Variants in CPSF1 observed in about 807,000 individuals in gnomAD.
CPSF1 encodes cleavage and polyadenylation specific factor 1.
A neutral mutation model predicts 175.8 loss-of-function variants in CPSF1; 106 were observed. The observed-to-expected ratio is 0.60, with a 90% CI of 0.52 to 0.71. CPSF1 has a LOEUF of 0.71. CPSF1 is among the 30% of genes least tolerant of loss of function. The pLI is 0.00. For synonymous variants in CPSF1, 1,024 were observed against 858.3 expected, an observed-to-expected ratio of 1.19 and a Z score of -3.37; for missense variants, 1,734 against 2,022.9, an observed-to-expected ratio of 0.86 and a Z score of 2.74.
Position 144,395,085 on chromosome 8 carries a change from G to A in CPSF1, c.3272+13C>T, listed in dbSNP as rs375079929. On this transcript the variant is annotated intron_variant, in intron 29 of 37. Coordinates refer to ENST00000616140, the MANE Select transcript of CPSF1 (RefSeq NM_013291.3). ...GCCTTGGGCAGACCCCACCCCCGCC[G>A]GCCCAGCCTCACCTGGCATTGGGAA... 5.0e-5 allele frequency: 81 copies of A among 1,606,118 alleles called. No homozygotes were observed. Among genetic ancestry groups the A allele is most frequent in the Middle Eastern group, 1.7e-4 (1 of 6,054 alleles).
rs150626841 is a variant in CPSF1, at chr8:144,408,822, G to A, written c.144+193C>T. Among the ~76,000 whole-genome samples the A allele has an allele frequency of 2.9e-3, 446 of 152,350 alleles. 1 individual carries two copies. The highest frequency in any genetic ancestry group is 5.1e-3 in the Non-Finnish European group (349 of 68,032). On this transcript the variant is annotated intron_variant, in intron 2 of 37. Coordinates refer to ENST00000616140, the MANE Select transcript of CPSF1 (RefSeq NM_013291.3). ...CCCTTCCCGGTGGGGTAGGAAGGGAGGCAGAACAGGGTAGCAGCTGTGAGA... is the reference window on the plus strand; with the variant it reads ...CCCTTCCCGGTGGGGTAGGAAGGGAAGCAGAACAGGGTAGCAGCTGTGAGA...
At chr8:144,395,228 G>A (rs1194511175) in intron 28 of CPSF1, 37 bp downstream of exon 28, 2 of 1,612,806 alleles carry the variant, frequency 1.2e-6, no homozygotes, top group Non-Finnish European at 1.7e-6. Context: ...TCCCCAAGAT[G>A]CGGCTGAGGA....
intron 2 of CPSF1, among the ~76,000 whole-genome samples, chr8:144,405,262 G>C (rs1453694543): frequency 6.6e-6 from 1 of 152,222 alleles, no homozygotes; most frequent in Non-Finnish European, 1.5e-5. Context: ...CCTGAAAGCT[G>C]ATGGGGCTGC....
chr8:144,398,574 T>C lies in CPSF1; in HGVS notation c.1703A>G (p.Asp568Gly). Residue 568 changes from aspartate (D) to glycine (G), a missense_variant, in exon 18 of 38, where the codon GAC becomes GGC. This residue lies in a region of CPSF1 where 280 missense variants were observed against 349.2 expected (regional missense o/e 0.80). Transcript: ENST00000616140. ...AATCAGGAATCCGTGTCTGCGGCCG[T>C]CGTCGTCTGCTTCAGGGGTGGTGCT... ...EPSTTPEADD[D>G]GRRHGFLILS... 6.2e-7 allele frequency: 1 copy of C among 1,613,826 alleles called. No individual in the cohort carries two copies.
In CPSF1 at chr8:144,398,096, G is replaced by A; in HGVS notation, c.1931C>T (p.Ala644Val). 1.9e-6 allele frequency: 3 copies of A among 1,609,282 alleles called. 1 individual carries two copies. The highest frequency in any genetic ancestry group is 2.5e-6 in the Non-Finnish European group (3 of 1,177,932). ...GGCCACGGCGCACTGCACGATGGGG[G>A]CGCCCAGGTCCACGGGGATGAAGTG... Reference protein sequence around the residue: ...QLHFIPVDLGAPIVQCAVADP... With the variant: ...QLHFIPVDLGVPIVQCAVADP... Residue 644 changes from alanine (A) to valine (V), a missense_variant, in exon 20 of 38, where the codon GCC becomes GTC. Physicochemically the swap from Ala to Val is moderately conservative, Grantham distance 64 (BLOSUM62 0). Around this residue, in one of 10 missense-constraint regions of CPSF1, gnomAD observed 280 missense variants for 349.2 expected, o/e 0.80. Transcript: ENST00000616140.
Position 144,393,814 on chromosome 8 carries a change from AG to A in CPSF1, c.4016-19del. The A allele has an allele frequency of 6.2e-7, 1 of 1,600,802 alleles. No homozygotes were observed. The highest frequency in any genetic ancestry group is 8.5e-7 in the Non-Finnish European group (1 of 1,178,502). Reference sequence around the variant, plus strand: ...CAGGGTGGCTGGCAGGGGTAGGGTGAGGGTTTTGGTGTGAGCCAGGCCAACC... The same window carrying A: ...CAGGGTGGCTGGCAGGGGTAGGGTGAGGTTTTGGTGTGAGCCAGGCCAACC... On this transcript the variant is annotated intron_variant, in intron 35 of 37. Transcript: ENST00000616140.
intron 2 of CPSF1, among the ~76,000 whole-genome samples, chr8:144,404,780 G>C (rs1481370138): frequency 6.6e-6 from 1 of 151,924 alleles, no homozygotes; most frequent in Non-Finnish European, 1.5e-5. Flanking sequence ...CCAAAGGCTG[G>C]GCGTGGTGGC....
intron 2 of CPSF1, 40 bp downstream of exon 2, chr8:144,408,975 C>T: frequency 6.2e-7 from 1 of 1,603,296 alleles, no homozygotes; most frequent in Non-Finnish European, 8.5e-7. Context: ...AGAGCACCCA[C>T]GTCGCGGACA....
chr8:144,397,066 T>TG (rs1208681423), intron 23 of CPSF1, 137 bp from the exon 24 acceptor site: 4 of 774,878 alleles, frequency 5.2e-6, no homozygotes, highest in African/African-American at 5.0e-5. Context: ...GGCGGGGCTG[T>TG]GAGGGAGATG....
intron 2 of CPSF1, among the ~76,000 whole-genome samples, chr8:144,402,666 G>T (rs1821285256): frequency 6.6e-6 from 1 of 152,122 alleles, no homozygotes; most frequent in Non-Finnish European, 1.5e-5. Flanking sequence ...AGATACAGAA[G>T]AAGCATCCAC....
In CPSF1 at chr8:144,393,455, G is replaced by C. The variant is rs1554862038; in HGVS notation, c.4281C>G (p.Asp1427Glu). 6.4e-7 allele frequency: 1 copy of C among 1,552,024 alleles called. No homozygotes were observed. ...ELAKKIGTTP[D>E]IILDDLLETD... is the part of the protein sequence containing the mutation. ...GGGGGGCGGGGCGCGCACTCACTAT[G>C]TCTGGTGTGGTGCCGATCTTCTTGG... Residue 1427 changes from aspartate (D) to glutamate (E), a missense_variant, in exon 37 of 38, where the codon GAC becomes GAG. Asp to Glu is a conservative substitution (Grantham distance 45). Coordinates refer to ENST00000616140, the MANE Select transcript of CPSF1 (RefSeq NM_013291.3).
In CPSF1 at chr8:144,394,400, C is replaced by T. The variant is rs1341949596; in HGVS notation, c.3723G>A (p.Lys1241=). ...GTACCCGCGACACCAGGCTCAGCGTCTTGCTTTCCTCCTGGTAGCGCAGCA... is the reference window on the plus strand; with the variant it reads ...GTACCCGCGACACCAGGCTCAGCGTTTTGCTTTCCTCCTGGTAGCGCAGCA... The part of the protein sequence containing the change: ...ISLLRYQEES[K]TLSLVSRDAK... The change falls in exon 32 of 38, where the codon AAG becomes AAA. Residue 1241 remains lysine, a synonymous_variant. Coordinates refer to ENST00000616140, the MANE Select transcript of CPSF1 (RefSeq NM_013291.3). 3 of 1,609,270 alleles carry T rather than the reference C, an allele frequency of 1.9e-6. No individual in the cohort carries two copies. Among genetic ancestry groups the T allele is most frequent in the Non-Finnish European group, 2.5e-6 (3 of 1,178,324 alleles).
chr8:144,404,358 C>T (rs1821379232), intron 2 of CPSF1, among the ~76,000 whole-genome samples: 1 of 152,008 alleles, frequency 6.6e-6, no homozygotes, highest in Non-Finnish European at 1.5e-5. Context: ...ACAGGGGTAA[C>T]CACTCAGAAG....
At chr8:144,395,625 G>C in intron 26 of CPSF1, 74 bp from the exon 27 acceptor site, 1 of 1,292,352 alleles carries the variant, frequency 7.7e-7, no homozygotes, top group Non-Finnish European at 1.1e-6. Context: ...AGGCCGCCAA[G>C]AGCCCTGGGA....
intron 26 of CPSF1, chr8:144,395,995 G>GAA: frequency 2.5e-6 from 1 of 403,538 alleles, no homozygotes; most frequent in Non-Finnish European, 4.5e-6. Context: ...ACCAGGATGA[G>GAA]AAAGCCTGTG....
chr8:144,403,074 T>C (rs1040803813), intron 2 of CPSF1, among the ~76,000 whole-genome samples: 3 of 150,288 alleles, frequency 2.0e-5, no homozygotes, highest in East Asian at 3.9e-4. Context: ...TAAAAACTCC[T>C]AGTAAAGCAA....
Position 144,393,816 on chromosome 8 carries a change from G to A in CPSF1, c.4016-20C>T, listed in dbSNP as rs1554862387. On this transcript the variant is annotated intron_variant, in intron 35 of 37. Coordinates refer to ENST00000616140, the MANE Select transcript of CPSF1 (RefSeq NM_013291.3). ...GGGTGGCTGGCAGGGGTAGGGTGAG[G>A]GTTTTGGTGTGAGCCAGGCCAACCC... 6.2e-7 allele frequency: 1 copy of A among 1,601,012 alleles called. No individual in the cohort carries two copies. Among genetic ancestry groups the A allele is most frequent in the Non-Finnish European group, 8.5e-7 (1 of 1,178,474 alleles).
rs2116914217 is a variant in CPSF1, at chr8:144,409,329, C to G, written c.-55G>C. On this transcript the variant is annotated 5_prime_UTR_variant, in exon 1 of 38. Transcript: ENST00000616140. ...GACTCGAGAGGAACCGGGACAGCAG[C>G]GAACTCAGTCCGGCCGGGCCCAGAA... 9.2e-6 allele frequency: 4 copies of G among 434,470 alleles called. No individual in the cohort carries two copies. Among genetic ancestry groups the G allele is most frequent in the African/African-American group, 8.4e-5 (4 of 47,828 alleles). The allele number at this position is 434,470 out of a possible 1,614,324, so 26.9% of individuals were successfully genotyped here.
chr8:144,406,629 A>G (rs2130781867), intron 2 of CPSF1, among the ~76,000 whole-genome samples: 1 of 152,244 alleles, frequency 6.6e-6, no homozygotes, highest in African/African-American at 2.4e-5. Context: ...CCAGACCTCA[A>G]TCCTCAATTC....
Sources: gnomAD v4.1 joint callset for allele counts (sites outside exome capture counted in the v4.1 genomes callset) on GRCh38, gnomAD v4.1.1 for gene constraint, gnomAD v4.1.1 regional missense constraint, MANE v1.5 for transcripts, NCBI Gene and HGNC (gene_info 2026-07-23, HGNC 2026-07-21) for gene names.